KAZN: variants seen among roughly 807,000 people sequenced by gnomAD.
The protein encoded by KAZN is kazrin.
Under a neutral mutation model 87.4 loss-of-function variants are expected in KAZN, and 40 were observed. The observed-to-expected ratio is 0.46, with a 90% CI of 0.36 to 0.60. The LOEUF (loss-of-function observed/expected upper bound fraction) is 0.60, where lower values mean the gene tolerates loss of function less well. Among genes scored for constraint, KAZN ranks in the 20% least tolerant of loss-of-function variants. The pLI is 0.00. For missense variants in KAZN, 898 were observed against 1,073.9 expected, an observed-to-expected ratio of 0.84 and a Z score of 2.29; for synonymous variants, 466 against 458.3, an observed-to-expected ratio of 1.02 and a Z score of -0.22.
chr1:14,697,140 CAAAA>C (rs1172632955), intron 1 of KAZN, among the ~76,000 whole-genome samples: 1 of 67,786 alleles, frequency 1.5e-5, no homozygotes, highest in African/African-American at 4.9e-5. Context: ...AACAAACCAA[CAAAA>C]AAAAAAAAAA....
chr1:14,692,283 AG>A, intron 1 of KAZN: 1 of 698,918 alleles, frequency 1.4e-6, no homozygotes, highest in Non-Finnish European at 2.1e-6. Context: ...GGATTCTTGT[AG>A]GATCTCTGCC....
chr1:13,966,050 CCTT>C (rs773533817), intron 1 of KAZN, among the ~76,000 whole-genome samples: 45 of 152,110 alleles, frequency 3.0e-4, no homozygotes, highest in Non-Finnish European at 1.0e-4. Flanking sequence ...CTCTCCAAGT[CCTT>C]CTTTCTCATC....
At chr1:13,919,308 A>G (rs1639975858) in intron 1 of KAZN, among the ~76,000 whole-genome samples, 1 of 152,216 alleles carries the variant, frequency 6.6e-6, no homozygotes, top group African/African-American at 2.4e-5. Flanking sequence ...GAATCATAGA[A>G]TATGCTTTCC....
intron 2 of KAZN, among the ~76,000 whole-genome samples, chr1:15,015,896 C>T (rs1000015440): frequency 4.6e-5 from 7 of 152,172 alleles, no homozygotes; most frequent in Admixed American, 1.3e-4. Context: ...ATCCAGTCTC[C>T]GCAAGGCAGA....
intron 1 of KAZN, among the ~76,000 whole-genome samples, chr1:14,170,224 C>T (rs1339372): frequency 6.6e-6 from 1 of 152,068 alleles, no homozygotes; most frequent in Non-Finnish European, 1.5e-5. Context: ...TGGTTTTATT[C>T]ACAAATGTAA....
chr1:14,177,989 C>T (rs1646120673), intron 1 of KAZN, among the ~76,000 whole-genome samples: 1 of 152,032 alleles, frequency 6.6e-6, no homozygotes, highest in South Asian at 2.1e-4. Flanking sequence ...CCATAATCTC[C>T]ACGTGTCATA....
rs575062065 is a variant in KAZN, at chr1:14,267,305, G to A, written c.249+86713G>A. Among the ~76,000 whole-genome samples the A allele has an allele frequency of 4.7e-5, 7 of 149,156 alleles. No homozygotes were observed. In the South Asian group the frequency reaches 1.5e-3, roughly 32 times the overall value. ...ACTTTTGGCTTCCCTGGGCCACACT[G>A]GAAGAAGAATTGTCTTGGGCTACAC... On this transcript the variant is annotated intron_variant, in intron 2 of 16. Coordinates refer to the KAZN transcript ENST00000636203.
At chr1:14,763,447 C>G (rs1428222135) in intron 1 of KAZN, among the ~76,000 whole-genome samples, 1 of 152,200 alleles carries the variant, frequency 6.6e-6, no homozygotes, top group Non-Finnish European at 1.5e-5. Context: ...TAAATCAATA[C>G]CCCCAATAAC....
At chr1:14,646,426 A>C (rs777391507) in intron 1 of KAZN, among the ~76,000 whole-genome samples, 2 of 152,164 alleles carry the variant, frequency 1.3e-5, no homozygotes, top group African/African-American at 4.8e-5. Flanking sequence ...AGAACAAAAC[A>C]AATAAATGAT....
rs3039717 is a variant in KAZN at position 14,949,155 on chromosome 1, AAAT to A, written c.227-11496_227-11494del. Among the ~76,000 whole-genome samples, 5,487 of 143,834 alleles carry A rather than the reference AAAT, an allele frequency of 0.038. 162 individuals carry two copies. The highest frequency in any genetic ancestry group is 0.074 in the Admixed American group (1,057 of 14,340). 94.4% of individuals were successfully genotyped at this position (143,834 alleles called of 152,430 possible). On this transcript the variant is annotated intron_variant, in intron 1 of 14. Coordinates refer to ENST00000376030, the MANE Select transcript of KAZN (RefSeq NM_201628.3). The surrounding 1 kb of genome is among the most constrained non-coding windows in gnomAD (Gnocchi z 4.3). ...GCAACAGAGTGAGACTCCGACTCAA[AAAT>A]AATAATAATAATAATAATAATAATA...
At chr1:15,041,073 C>T (rs1034507482) in intron 3 of KAZN, among the ~76,000 whole-genome samples, 23 of 151,928 alleles carry the variant, frequency 1.5e-4, no homozygotes, top group African/African-American at 5.5e-4. Flanking sequence ...GCCTCAGCCT[C>T]TGGAGTAGCT....
At chr1:14,605,367 C>T (rs982741069) in intron 1 of KAZN, among the ~76,000 whole-genome samples, 1 of 152,120 alleles carries the variant, frequency 6.6e-6, no homozygotes, top group African/African-American at 2.4e-5. Flanking sequence ...TGGCCCCCAC[C>T]CAGCACAGTA....
In KAZN at chr1:14,416,849, G is replaced by T. The variant is rs544671686; in HGVS notation, c.250-182134G>T. Among the ~76,000 whole-genome samples, 12 of 152,172 alleles carry T rather than the reference G, an allele frequency of 7.9e-5. No individual in the cohort carries two copies. The East Asian group carries it at 1.7e-3, about 22-fold the overall frequency. ...CCATGCTTGTAATTCCAGCACTTTA[G>T]GAGGCTGAGGCAGGAAGATCACTTG... On this transcript the variant is annotated intron_variant, in intron 2 of 16. Transcript: ENST00000636203.
intron 2 of KAZN, among the ~76,000 whole-genome samples, chr1:14,465,115 C>A (rs1196363706): frequency 6.6e-6 from 1 of 151,980 alleles, no homozygotes; most frequent in Non-Finnish European, 1.5e-5. Flanking sequence ...GACAGCTTCA[C>A]CCAGCCAGGT....
intron 2 of KAZN, among the ~76,000 whole-genome samples, chr1:14,239,365 T>A (rs1386295932): frequency 6.6e-6 from 1 of 151,960 alleles, no homozygotes; most frequent in East Asian, 1.9e-4. Flanking sequence ...GCTCTCTGAG[T>A]CTGGGGACCT....
chr1:14,827,607 G>A (rs889849850), intron 1 of KAZN, among the ~76,000 whole-genome samples: 1 of 152,254 alleles, frequency 6.6e-6, no homozygotes, highest in South Asian at 2.1e-4. Context: ...TTCAAGAGGA[G>A]GGTTGTTGGG....
At chr1:14,312,065 C>T (rs1285671658) in intron 2 of KAZN, among the ~76,000 whole-genome samples, 1 of 151,858 alleles carries the variant, frequency 6.6e-6, no homozygotes, top group Non-Finnish European at 1.5e-5. Context: ...GGTCTGACAA[C>T]AGTGTGAAAA....
chr1:14,147,723 G>A (rs2101788724), intron 1 of KAZN, among the ~76,000 whole-genome samples: 1 of 151,828 alleles, frequency 6.6e-6, no homozygotes, highest in South Asian at 2.1e-4. Context: ...TTGAACCTGG[G>A]AGGCAGAGGT....
intron 2 of KAZN, among the ~76,000 whole-genome samples, chr1:14,535,345 T>A (rs188231338): frequency 6.6e-6 from 1 of 152,318 alleles, no homozygotes; most frequent in Admixed American, 6.5e-5. Flanking sequence ...CAATATCAAA[T>A]TCACCAAGTT....
Sources: gnomAD v4.1 joint callset for allele counts (sites outside exome capture counted in the v4.1 genomes callset) on GRCh38, gnomAD v4.1.1 for gene constraint, Gnocchi (gnomAD v3.1) non-coding constraint, MANE v1.5 for transcripts, NCBI Gene and HGNC (gene_info 2026-07-23, HGNC 2026-07-21) for gene names.